Variants in STXBP4 observed in about 807,000 individuals in gnomAD.
STXBP4 encodes the protein syntaxin binding protein 4, also known as syntaxin-binding protein 4.
Under a neutral mutation model 76.1 loss-of-function variants are expected in STXBP4, and 55 were observed. The observed-to-expected ratio is 0.72, with a 90% CI of 0.58 to 0.91. The LOEUF is 0.91. STXBP4 is among the 40% of genes least tolerant of loss of function. STXBP4 has a pLI of 0.00. For synonymous variants in STXBP4, 201 were observed against 220.2 expected (o/e 0.91, Z 0.77); for missense variants, 618 against 636.9 (o/e 0.97, Z 0.32).
chr17:55,101,822 T>G (rs1038374951), intron 16 of STXBP4, among the ~76,000 whole-genome samples: 1 of 152,234 alleles, frequency 6.6e-6, no homozygotes, highest in Non-Finnish European at 1.5e-5. Context: ...TTTCTCGATC[T>G]ACAGAGTTGT....
intron 8 of STXBP4, among the ~76,000 whole-genome samples, chr17:55,019,285 T>G (rs913959220): frequency 1.3e-5 from 2 of 152,178 alleles, no homozygotes; most frequent in Non-Finnish European, 2.9e-5. Context: ...GCTTTTGCAT[T>G]TTACTTTTTA....
At chr17:55,118,171 A>G (rs931433605) in intron 16 of STXBP4, among the ~76,000 whole-genome samples, 25 of 152,024 alleles carry the variant, frequency 1.6e-4, no homozygotes, top group African/African-American at 6.0e-4. Flanking sequence ...AACAATAAAC[A>G]GGAAAATCAA....
chr17:55,074,723 T>G (rs1042527942), intron 13 of STXBP4, among the ~76,000 whole-genome samples: 2 of 152,080 alleles, frequency 1.3e-5, no homozygotes, highest in Non-Finnish European at 2.9e-5. Context: ...AATTCAGTTT[T>G]TCTCTCTTTT....
chr17:55,051,786 T>C (rs1227009100), intron 12 of STXBP4, among the ~76,000 whole-genome samples: 1 of 151,992 alleles, frequency 6.6e-6, no homozygotes, highest in East Asian at 1.9e-4. Context: ...GAAAGAACCC[T>C]GCGGGATGGG....
chr17:55,196,283 A>C, the STXBP4 span, among the ~76,000 whole-genome samples: 1 of 152,130 alleles, frequency 6.6e-6, no homozygotes, highest in Non-Finnish European at 1.5e-5. Context: ...TAAGGATAGC[A>C]GACAAGTGCC....
chr17:55,193,831 A>AAAT, the STXBP4 span, among the ~76,000 whole-genome samples: 1 of 151,422 alleles, frequency 6.6e-6, no homozygotes, highest in African/African-American at 2.4e-5. Flanking sequence ...AAAAAAAAAA[A>AAAT]AAACGTAATT....
At chr17:55,132,362 T>C (rs1195035839) in intron 16 of STXBP4, among the ~76,000 whole-genome samples, 9 of 152,098 alleles carry the variant, frequency 5.9e-5, no homozygotes, top group Admixed American at 5.9e-4. Flanking sequence ...GGCTAATTTT[T>C]GTATTTTTAG....
At chr17:55,086,985 G>A (rs1420206857) in intron 16 of STXBP4, among the ~76,000 whole-genome samples, 1 of 152,082 alleles carries the variant, frequency 6.6e-6, no homozygotes, top group Admixed American at 6.6e-5. Flanking sequence ...ACTCATTGTG[G>A]ATTTGATTTG....
At chr17:54,978,883 T>G (rs2077509254) in intron 1 of STXBP4, among the ~76,000 whole-genome samples, 2 of 152,222 alleles carry the variant, frequency 1.3e-5, no homozygotes, top group African/African-American at 4.8e-5. Flanking sequence ...ACATTCTGTT[T>G]TTACCTTGCT....
chr17:55,125,892 G>A (rs1048692766), intron 16 of STXBP4, among the ~76,000 whole-genome samples: 12 of 152,072 alleles, frequency 7.9e-5, no homozygotes, highest in African/African-American at 1.7e-4. Flanking sequence ...GGGAAATCCC[G>A]GAAAGAAGAG....
At chr17:55,117,911 A>G (rs2079800678) in intron 16 of STXBP4, among the ~76,000 whole-genome samples, 1 of 151,966 alleles carries the variant, frequency 6.6e-6, no homozygotes, top group Non-Finnish European at 1.5e-5. Flanking sequence ...GGAATAAAAC[A>G]GACACAGTCT....
intron 16 of STXBP4, among the ~76,000 whole-genome samples, chr17:55,122,959 T>C (rs2079863101): frequency 6.6e-6 from 1 of 152,202 alleles, no homozygotes; most frequent in African/African-American, 2.4e-5. Flanking sequence ...ATTTTTTAAT[T>C]AGAAAATCTT....
chr17:55,029,723 A>T (rs1484900997), intron 8 of STXBP4, among the ~76,000 whole-genome samples: 2 of 151,880 alleles, frequency 1.3e-5, no homozygotes, highest in East Asian at 3.8e-4. Context: ...CAGATTAACC[A>T]GTTGCTTTGT....
At chr17:55,186,059 G>A in the STXBP4 span, among the ~76,000 whole-genome samples, 5 of 152,178 alleles carry the variant, frequency 3.3e-5, no homozygotes, top group South Asian at 2.1e-4. Context: ...CAATTACTAC[G>A]CCAACCCCTT....
chr17:54,982,212 A>G (rs2077560276), intron 1 of STXBP4, among the ~76,000 whole-genome samples: 1 of 152,296 alleles, frequency 6.6e-6, no homozygotes, highest in South Asian at 2.1e-4. Flanking sequence ...TGTCCAGTGA[A>G]AAGAACTGGT....
intron 16 of STXBP4, among the ~76,000 whole-genome samples, chr17:55,086,162 T>C (rs1396811200): frequency 1.3e-5 from 2 of 152,130 alleles, no homozygotes; most frequent in African/African-American, 2.4e-5. Flanking sequence ...AAGTAAAAAA[T>C]TTCATCAGCA....
chr17:55,117,231 C>G (rs1334635413), intron 16 of STXBP4, among the ~76,000 whole-genome samples: 1 of 151,572 alleles, frequency 6.6e-6, no homozygotes, highest in African/African-American at 2.4e-5. Context: ...TACAGTCTAC[C>G]ATATGATCTC....
rs1441906358 is a variant in STXBP4, at chr17:55,166,240, A to G, written c.*6329A>G. The G allele has an allele frequency of 6.6e-6, 1 of 152,134 alleles. No individual in the cohort carries two copies. Among genetic ancestry groups the G allele is most frequent in the East Asian group, 1.9e-4 (1 of 5,188 alleles). 9.4% of individuals were successfully genotyped at this position (152,134 alleles called of 1,614,324 possible). Reference sequence around the variant, plus strand: ...ACATCCTAGAACATTTCTTAAATATATTCCCTTTTCTCTGTTTCATGCAAA... The same window carrying G: ...ACATCCTAGAACATTTCTTAAATATGTTCCCTTTTCTCTGTTTCATGCAAA... On this transcript the variant is annotated 3_prime_UTR_variant, in exon 18 of 18. Transcript: ENST00000376352.
intron 13 of STXBP4, among the ~76,000 whole-genome samples, chr17:55,073,403 T>G (rs2079145279): frequency 6.6e-6 from 1 of 152,190 alleles, no homozygotes; most frequent in South Asian, 2.1e-4. Flanking sequence ...CCTGCTAATT[T>G]GTTTTATGGG....
Sources: allele counts gnomAD v4.1 joint callset (sites outside exome capture counted in the v4.1 genomes callset), GRCh38; gene constraint gnomAD v4.1.1; transcripts MANE v1.5; gene names NCBI Gene and HGNC (gene_info 2026-07-23, HGNC 2026-07-21).